The following C3orf52 variants were observed in gnomAD, a reference collection of about 807,000 sequenced individuals.
C3orf52 encodes chromosome 3 open reading frame 52, also known as TPA-induced transmembrane protein.
Under a neutral mutation model 24.8 loss-of-function variants are expected in C3orf52, and 22 were observed. The ratio of observed to expected loss-of-function variants is 0.89; its 90% CI spans 0.63 to 1.27. The LOEUF (loss-of-function observed/expected upper bound fraction) is 1.27, where lower values mean the gene tolerates loss of function less well. Among genes scored for constraint, C3orf52 ranks in the 50% most tolerant of loss-of-function variants. The pLI is 0.00. For missense variants in C3orf52, 265 were observed against 260.7 expected, an observed-to-expected ratio of 1.02 and a Z score of -0.11; for synonymous variants, 93 against 100.2, an observed-to-expected ratio of 0.93 and a Z score of 0.43.
intron 2 of C3orf52, among the ~76,000 whole-genome samples, chr3:112,099,320 G>A (rs190167741): frequency 3.3e-5 from 5 of 152,106 alleles, no homozygotes; most frequent in Middle Eastern, 3.4e-3. Flanking sequence ...TGCATTTTTC[G>A]GGGAGACACA....
chr3:112,106,597 G>A (rs2074027937), intron 3 of C3orf52, among the ~76,000 whole-genome samples: 1 of 152,172 alleles, frequency 6.6e-6, no homozygotes, highest in Non-Finnish European at 1.5e-5. Flanking sequence ...CGGCGCCCCT[G>A]TCACTCAGGA....
At chr3:112,090,691 C>A (rs540157294) in intron 1 of C3orf52, among the ~76,000 whole-genome samples, 1 of 152,082 alleles carries the variant, frequency 6.6e-6, no homozygotes, top group South Asian at 2.1e-4. Context: ...TTTCAACACA[C>A]CAGAGTCCTA....
chr3:112,101,569 G>T (rs1397699786), intron 2 of C3orf52, among the ~76,000 whole-genome samples: 1 of 152,058 alleles, frequency 6.6e-6, no homozygotes, highest in Non-Finnish European at 1.5e-5. Context: ...TCAGACACCA[G>T]CCAGGACCAA....
At chr3:112,132,772 A>T, downstream of C3orf52, 2 of 518,276 alleles carry the variant, frequency 3.9e-6, no homozygotes, top group Non-Finnish European at 5.1e-6. Context: ...TCAGGAGAGC[A>T]TCTCCTTCCC....
At chr3:112,102,452 C>A (rs2073981822) in intron 2 of C3orf52, among the ~76,000 whole-genome samples, 1 of 152,174 alleles carries the variant, frequency 6.6e-6, no homozygotes, top group African/African-American at 2.4e-5. Context: ...CACCCTGGGG[C>A]TCTGAGTGTA....
chr3:112,125,258 G>A (rs778872303), intron 4 of C3orf52: 4 of 1,569,136 alleles, frequency 2.5e-6, no homozygotes, highest in East Asian at 4.5e-5. Context: ...CTTTCATCTG[G>A]AGAAAGAAAA....
rs1367069460 is a variant in C3orf52, at chr3:112,107,474, C to CCA, written c.397-2069_397-2068insCA. Among the ~76,000 whole-genome samples, 3 of 152,218 alleles carry CCA rather than the reference C, an allele frequency of 2.0e-5. No homozygotes were observed. The East Asian group carries it at 5.8e-4, about 29-fold the overall frequency. On this transcript the variant is annotated intron_variant, in intron 3 of 5. Transcript: ENST00000264848. ...TTGGGGCTTAAGAGCTGTACAATGACTCAGTCATTTTCTCCGAAAGTTTTT... is the reference window on the plus strand; with the variant it reads ...TTGGGGCTTAAGAGCTGTACAATGACCATCAGTCATTTTCTCCGAAAGTTTTT...
intron 2 of C3orf52, among the ~76,000 whole-genome samples, chr3:112,100,083 G>A (rs770823676): frequency 3.3e-5 from 5 of 152,072 alleles, no homozygotes; most frequent in Non-Finnish European, 7.4e-5. Flanking sequence ...TGTTCCTTCT[G>A]CTGTCAGTCA....
chr3:112,114,521 T>A (rs2107790238), intron 5 of C3orf52, among the ~76,000 whole-genome samples: 1 of 151,542 alleles, frequency 6.6e-6, no homozygotes, highest in East Asian at 1.9e-4. Context: ...CTGGCCAACA[T>A]GGTGAAACCC....
chr3:112,100,212 G>A (rs1458518990), intron 2 of C3orf52, among the ~76,000 whole-genome samples: 2 of 152,058 alleles, frequency 1.3e-5, no homozygotes, highest in South Asian at 2.1e-4. Flanking sequence ...TACTTTCTTC[G>A]TGGGCGATGT....
intron 4 of C3orf52, chr3:112,112,102 T>C (rs1191785336): frequency 6.6e-6 from 1 of 152,276 alleles, no homozygotes; most frequent in Admixed American, 6.5e-5. Flanking sequence ...GGCCTCCTGC[T>C]CATTATTTTA....
chr3:112,098,430 A>C (rs1278732624), intron 2 of C3orf52, among the ~76,000 whole-genome samples: 2 of 152,070 alleles, frequency 1.3e-5, no homozygotes, highest in East Asian at 3.9e-4. Context: ...TTTTTCTTGG[A>C]GAGCTCATTC....
At chr3:112,101,098 A>T (rs1401327438) in intron 2 of C3orf52, among the ~76,000 whole-genome samples, 1 of 152,154 alleles carries the variant, frequency 6.6e-6, no homozygotes, top group Non-Finnish European at 1.5e-5. Flanking sequence ...CATGACTTAT[A>T]ACAATTAAGG....
At chr3:112,111,724 A>G (rs987582565) in intron 4 of C3orf52, 1 of 152,200 alleles carries the variant, frequency 6.6e-6, no homozygotes, top group African/African-American at 2.4e-5. Context: ...GTTGATCATC[A>G]TTAGCGATAA....
chr3:112,109,486 A>G, intron 3 of C3orf52, 57 bp from the exon 4 acceptor site: 2 of 1,099,484 alleles, frequency 1.8e-6, no homozygotes, highest in Non-Finnish European at 2.7e-6. Flanking sequence ...TTGTCAGGTG[A>G]TGTGTAATAT....
downstream of C3orf52, chr3:112,123,112 A>C: frequency 3.7e-6 from 1 of 273,040 alleles, no homozygotes; most frequent in African/African-American, 2.2e-5. Context: ...GATCATGGGA[A>C]CACTTTATAA....
intron 1 of C3orf52, among the ~76,000 whole-genome samples, chr3:112,092,470 C>A (rs1025527621): frequency 1.3e-5 from 2 of 152,152 alleles, no homozygotes; most frequent in Non-Finnish European, 2.9e-5. Flanking sequence ...GTGGGGGCCC[C>A]TCTGTGACAC....
At chr3:112,128,413 A>AT in exon 5 of C3orf52, 1 of 400,982 alleles carries the variant, frequency 2.5e-6, no homozygotes, top group Non-Finnish European at 4.7e-6. Context: ...TTTACAAATC[A>AT]TTTTTTTCAG....
At chr3:112,103,977 G>A (rs1472387902) in intron 3 of C3orf52, among the ~76,000 whole-genome samples, 4 of 152,194 alleles carry the variant, frequency 2.6e-5, no homozygotes, top group African/African-American at 7.2e-5. Flanking sequence ...GTGTTTTGGT[G>A]GAGAAAGCCA....
Sources: gnomAD v4.1 joint callset for allele counts (sites outside exome capture counted in the v4.1 genomes callset) on GRCh38, gnomAD v4.1.1 for gene constraint, MANE v1.5 for transcripts, NCBI Gene and HGNC (gene_info 2026-07-23, HGNC 2026-07-21) for gene names.